GLRA2: variants seen among roughly 807,000 people sequenced by gnomAD.
GLRA2 encodes the protein glycine receptor alpha 2.
In GLRA2, 11 loss-of-function variants were observed where a neutral mutation model predicts 31.6. The observed-to-expected ratio is 0.35, with a 90% CI of 0.22 to 0.58. GLRA2 has a LOEUF of 0.58. Among genes scored for constraint, GLRA2 ranks in the 20% least tolerant of loss-of-function variants. The probability of loss-of-function intolerance (pLI) is 0.84; values close to 1 mark genes in which losing one functional copy is unlikely to be tolerated. For synonymous variants in GLRA2, 132 were observed against 134.0 expected, an observed-to-expected ratio of 0.99 and a Z score of 0.10; for missense variants, 212 against 351.8, an observed-to-expected ratio of 0.60 and a Z score of 3.18.
the GLRA2 span, among the ~76,000 whole-genome samples, chrX:14,518,614 G>T: frequency 2.7e-5 from 3 of 110,964 alleles, no homozygotes; most frequent in Non-Finnish European, 5.7e-5. Context: ...TTCAATTTAT[G>T]TACTGTCTAA....
Position 14,620,309 on chromosome X carries a change from T to C in GLRA2, c.930+11104T>C, listed in dbSNP as rs1188564958. Among the ~76,000 whole-genome samples the C allele has an allele frequency of 4.6e-5, 5 of 109,037 alleles. No individual in the cohort carries two copies. The Admixed American group carries it at 4.9e-4, about 11-fold the overall frequency. 94.7% of individuals were successfully genotyped at this position (109,037 alleles called of 115,157 possible). A position where few individuals can be genotyped will look rare whatever the true frequency, so the allele number is the denominator to read the frequency against. ...TGACGCAAGCCTCCATTGTCCCTTC[T>C]CGCTTCTCCAGTTTTTTAGGATGCA... On this transcript the variant is annotated intron_variant, in intron 7 of 8. Coordinates refer to ENST00000218075, the MANE Select transcript of GLRA2 (RefSeq NM_002063.4).
At chrX:14,493,568 T>C in the GLRA2 span, among the ~76,000 whole-genome samples, 4 of 104,137 alleles carry the variant, frequency 3.8e-5, no homozygotes, top group Non-Finnish European at 7.8e-5. Flanking sequence ...TACACATATA[T>C]ACATATATAC....
At chrX:14,623,774 C>T (rs1235438937) in intron 7 of GLRA2, among the ~76,000 whole-genome samples, 1 of 111,498 alleles carries the variant, frequency 9.0e-6, no homozygotes, top group Non-Finnish European at 1.9e-5. Flanking sequence ...AGGATTTTTG[C>T]ATCGATGTTC....
At chrX:14,520,334 A>G in the GLRA2 span, among the ~76,000 whole-genome samples, 1 of 112,508 alleles carries the variant, frequency 8.9e-6, no homozygotes, top group Non-Finnish European at 1.9e-5. Flanking sequence ...CATTATTATC[A>G]TCTTTAGAAT....
At chrX:14,523,850 T>C in the GLRA2 span, among the ~76,000 whole-genome samples, 1 of 111,788 alleles carries the variant, frequency 8.9e-6, no homozygotes, top group Admixed American at 9.5e-5. Flanking sequence ...CCATAATAGA[T>C]ATAATAATGA....
At chrX:14,655,783 C>T (rs1338167044) in intron 7 of GLRA2, among the ~76,000 whole-genome samples, 2 of 111,979 alleles carry the variant, frequency 1.8e-5, no homozygotes, top group African/African-American at 6.5e-5. Context: ...GGCTTCGTTG[C>T]CTGCATTTGT....
chrX:14,508,509 C>T, the GLRA2 span, among the ~76,000 whole-genome samples: 1 of 111,955 alleles, frequency 8.9e-6, no homozygotes, highest in African/African-American at 3.2e-5. Context: ...CTGCAGCACA[C>T]AGTCCTTATG....
intron 4 of GLRA2, among the ~76,000 whole-genome samples, chrX:14,595,201 T>G (rs1486806390): frequency 8.9e-6 from 1 of 111,810 alleles, no homozygotes; most frequent in Non-Finnish European, 1.9e-5. Context: ...TCAATTTATT[T>G]ACACAAAGAA....
At chrX:14,555,644 T>C (rs974444697) in intron 2 of GLRA2, among the ~76,000 whole-genome samples, 7 of 112,287 alleles carry the variant, frequency 6.2e-5, no homozygotes, top group African/African-American at 1.9e-4. Context: ...TTGAGTGCTC[T>C]GGAGAGATAA....
intron 7 of GLRA2, among the ~76,000 whole-genome samples, chrX:14,621,114 G>A (rs1000298563): frequency 1.8e-5 from 2 of 111,558 alleles, no homozygotes; most frequent in Admixed American, 1.9e-4. Context: ...AGTTATTGTG[G>A]AAGTACTGTA....
the GLRA2 span, among the ~76,000 whole-genome samples, chrX:14,523,566 T>C: frequency 8.9e-6 from 1 of 112,045 alleles, no homozygotes; most frequent in South Asian, 3.7e-4. Context: ...TAATCATTTC[T>C]AGCTTGATTT....
intron 7 of GLRA2, among the ~76,000 whole-genome samples, chrX:14,674,760 TTC>T (rs766034159): frequency 2.7e-5 from 3 of 109,184 alleles, no homozygotes; most frequent in Non-Finnish European, 3.8e-5. Flanking sequence ...CTTTCTCCTT[TTC>T]TCTCTCTCTC....
chrX:14,557,702 T>C (rs1482767789), intron 2 of GLRA2, among the ~76,000 whole-genome samples: 1 of 111,519 alleles, frequency 9.0e-6, no homozygotes, highest in Non-Finnish European at 1.9e-5. Context: ...TTTAGACACA[T>C]TTCTGATTGT....
At chrX:14,470,021 AC>A in the GLRA2 span, among the ~76,000 whole-genome samples, 4 of 111,435 alleles carry the variant, frequency 3.6e-5, no homozygotes, top group African/African-American at 1.3e-4. Context: ...TAAGAGAGTC[AC>A]AACTTTTAAT....
At position 14,687,870 on chromosome X, in the gene GLRA2, A is replaced by T. The variant is rs556225783; in HGVS notation, c.931-2840A>T. 6.3e-5 allele frequency among the ~76,000 whole-genome samples: 7 copies of T among 111,695 alleles called. No homozygotes were observed. In the South Asian group the frequency reaches 1.1e-3, roughly 18 times the overall value. On this transcript the variant is annotated intron_variant, in intron 7 of 8. Transcript: ENST00000218075. ...GAGCTGCATTCCTTTGGAGGGGGAG[A>T]GGTGCTCTGATTTTTAGGATTTTCA...
intron 7 of GLRA2, among the ~76,000 whole-genome samples, chrX:14,679,752 C>A (rs2091180622): frequency 8.9e-6 from 1 of 112,017 alleles, no homozygotes; most frequent in African/African-American, 3.2e-5. Context: ...AGGAATAAAG[C>A]CTTTACTGAT....
intron 7 of GLRA2, among the ~76,000 whole-genome samples, chrX:14,679,625 C>T (rs769373075): frequency 9.0e-6 from 1 of 110,674 alleles, no homozygotes; most frequent in East Asian, 2.8e-4. Flanking sequence ...CACTGGGTTG[C>T]TCATTATTCG....
rs754447813 is a variant in GLRA2 at position 14,626,066 on chromosome X, G to T, written c.930+16861G>T. ...GTGAACAATTATTGAGCTCCTTTTA[G>T]ATGCCTTTCATTGTGCTAAACGCTT... On this transcript the variant is annotated intron_variant, in intron 7 of 8. Coordinates refer to ENST00000218075, the MANE Select transcript of GLRA2 (RefSeq NM_002063.4). Among the ~76,000 whole-genome samples, 8 of 112,096 alleles carry T rather than the reference G, an allele frequency of 7.1e-5. No homozygotes were observed. In the South Asian group the frequency reaches 2.6e-3, roughly 36 times the overall value.
chrX:14,719,949 G>A (rs2091843334), intron 8 of GLRA2, among the ~76,000 whole-genome samples: 1 of 111,686 alleles, frequency 9.0e-6, no homozygotes, highest in Non-Finnish European at 1.9e-5. Context: ...GGCAGAAAAA[G>A]AGAAATACTA....
Sources: allele counts gnomAD v4.1 joint callset (sites outside exome capture counted in the v4.1 genomes callset), GRCh38; gene constraint gnomAD v4.1.1; transcripts MANE v1.5; gene names NCBI Gene and HGNC (gene_info 2026-07-23, HGNC 2026-07-21).